SRPK2: variants seen among roughly 807,000 people sequenced by gnomAD.
SRPK2 encodes the protein SFRS protein kinase 2.
In SRPK2, 21 loss-of-function variants were observed where a neutral mutation model predicts 90.8. The ratio of observed to expected loss-of-function variants is 0.23; its 90% confidence interval spans 0.16 to 0.33. The LOEUF is 0.33. Ranked by LOEUF, SRPK2 falls within the 10% of genes least tolerant of loss-of-function variation. The probability of loss-of-function intolerance (pLI) is 1.00; values close to 1 mark genes in which losing one functional copy is unlikely to be tolerated. For synonymous variants in SRPK2, 288 were observed against 311.1 expected (o/e 0.93, Z 0.78); for missense variants, 620 against 869.0 (o/e 0.71, Z 3.60).
chr7:105,322,625 G>A (rs1813065564), intron 2 of SRPK2, among the ~76,000 whole-genome samples: 1 of 152,062 alleles, frequency 6.6e-6, no homozygotes, highest in Admixed American at 6.6e-5. Flanking sequence ...TCTTACTGGG[G>A]TGACAAAACA....
intron 2 of SRPK2, among the ~76,000 whole-genome samples, chr7:105,294,421 A>T (rs1350023827): frequency 6.6e-6 from 1 of 152,198 alleles, no homozygotes; most frequent in Admixed American, 6.5e-5. Flanking sequence ...ATTCACAGTA[A>T]CTGTTTGTTC....
chr7:105,356,494 G>GT (rs1817797148), intron 2 of SRPK2, among the ~76,000 whole-genome samples: 2 of 152,110 alleles, frequency 1.3e-5, no homozygotes, highest in Non-Finnish European at 2.9e-5. Flanking sequence ...GCATATTAAA[G>GT]TATGTAGCAG....
At chr7:105,348,559 C>T (rs1314152478) in intron 2 of SRPK2, among the ~76,000 whole-genome samples, 2 of 151,356 alleles carry the variant, frequency 1.3e-5, no homozygotes, top group African/African-American at 4.9e-5. Context: ...GAGTAGCTGG[C>T]ATTACAGGCA....
At chr7:105,227,893 C>CAAA (rs566478716) in intron 2 of SRPK2, among the ~76,000 whole-genome samples, 109 of 84,584 alleles carry the variant, frequency 1.3e-3, no homozygotes, top group East Asian at 3.9e-3. Flanking sequence ...TATCATTCAG[C>CAAA]AAAAAAAAAA....
intron 2 of SRPK2, among the ~76,000 whole-genome samples, chr7:105,267,234 C>G (rs1805207688): frequency 6.6e-6 from 1 of 152,182 alleles, no homozygotes; most frequent in African/African-American, 2.4e-5. Flanking sequence ...AAAACCTCAT[C>G]CACTCCTAAT....
chr7:105,119,668 C>A (rs1220659971), intron 15 of SRPK2, among the ~76,000 whole-genome samples: 1 of 152,170 alleles, frequency 6.6e-6, no homozygotes, highest in African/African-American at 2.4e-5. Context: ...AAAGGATCTC[C>A]TGTTGAAGGA....
chr7:105,288,060 C>T lies in SRPK2; in HGVS notation c.72-84275G>A, dbSNP rs138271319. Among the ~76,000 whole-genome samples the T allele has an allele frequency of 6.8e-3, 1,030 of 152,188 alleles. 7 individuals carry two copies. Among genetic ancestry groups the T allele is most frequent in the Non-Finnish European group, 9.9e-3 (671 of 68,020 alleles). On this transcript the variant is annotated intron_variant, in intron 2 of 15. Transcript: ENST00000393651. ...CACTTTAATCAAGGTCAAAGCAATG[C>T]TCTGTTGGGATTCTGAGAGTGTTAT...
At chr7:105,265,777 C>T (rs1239674606) in intron 2 of SRPK2, among the ~76,000 whole-genome samples, 1 of 152,044 alleles carries the variant, frequency 6.6e-6, no homozygotes, top group African/African-American at 2.4e-5. Context: ...AGGATTTACC[C>T]CTAAAATCTC....
chr7:105,389,278 C>A, upstream of SRPK2: 1 of 1,275,696 alleles, frequency 7.8e-7, no homozygotes. Flanking sequence ...CTCCATGCGC[C>A]CGTCCTTGGC....
chr7:105,361,207 G>A (rs1211450083), intron 2 of SRPK2, among the ~76,000 whole-genome samples: 1 of 152,070 alleles, frequency 6.6e-6, no homozygotes, highest in Non-Finnish European at 1.5e-5. Context: ...CAAATCATGA[G>A]TGAACTCCCA....
intron 3 of SRPK2, among the ~76,000 whole-genome samples, chr7:105,177,611 G>A (rs1391997820): frequency 2.0e-5 from 3 of 152,148 alleles, no homozygotes; most frequent in Non-Finnish European, 4.4e-5. Context: ...TACTCTGAAG[G>A]AGGATGCTCA....
chr7:105,166,371 G>A (rs1028957872), intron 6 of SRPK2, among the ~76,000 whole-genome samples: 3 of 152,148 alleles, frequency 2.0e-5, no homozygotes, highest in Non-Finnish European at 4.4e-5. Flanking sequence ...AACGATATCT[G>A]ACGAGATATC....
chr7:105,159,555 A>G (rs1033026675), intron 7 of SRPK2, among the ~76,000 whole-genome samples: 2 of 152,008 alleles, frequency 1.3e-5, no homozygotes, highest in African/African-American at 4.8e-5. Context: ...AATATCAAAG[A>G]TGCTTTTACT....
intron 7 of SRPK2, among the ~76,000 whole-genome samples, chr7:105,148,389 T>C (rs1488901383): frequency 1.3e-5 from 2 of 152,210 alleles, no homozygotes; most frequent in African/African-American, 2.4e-5. Flanking sequence ...ATTAAAACAA[T>C]CAAAAACTTA....
At chr7:105,161,894 A>G (rs1291653309) in intron 6 of SRPK2, among the ~76,000 whole-genome samples, 1 of 152,188 alleles carries the variant, frequency 6.6e-6, no homozygotes, top group African/African-American at 2.4e-5. Flanking sequence ...AATCTATAGT[A>G]ACAACATCTC....
intron 3 of SRPK2, among the ~76,000 whole-genome samples, chr7:105,191,199 T>C (rs1200923741): frequency 1.3e-5 from 2 of 152,188 alleles, no homozygotes; most frequent in African/African-American, 2.4e-5. Context: ...AGCTTTTTCA[T>C]AGCCAAACGA....
intron 7 of SRPK2, among the ~76,000 whole-genome samples, chr7:105,148,814 C>T (rs1443895054): frequency 2.0e-5 from 3 of 152,206 alleles, no homozygotes; most frequent in Non-Finnish European, 4.4e-5. Flanking sequence ...CTGGAGCTCA[C>T]AAAAACATGT....
intron 1 of SRPK2, among the ~76,000 whole-genome samples, chr7:105,398,556 G>T (rs190576694): frequency 5.4e-4 from 82 of 152,114 alleles, no homozygotes; most frequent in Admixed American, 1.1e-3. Flanking sequence ...GCTAATTTTT[G>T]TATTTTTAGT....
intron 2 of SRPK2, among the ~76,000 whole-genome samples, chr7:105,211,955 C>T (rs1796916035): frequency 6.6e-6 from 1 of 152,214 alleles, no homozygotes; most frequent in Non-Finnish European, 1.5e-5. Flanking sequence ...GCTGCCTGAT[C>T]ACCTCACTGA....
Sources: allele counts gnomAD v4.1 joint callset (sites outside exome capture counted in the v4.1 genomes callset), GRCh38; gene constraint gnomAD v4.1.1; transcripts MANE v1.5; gene names NCBI Gene and HGNC (gene_info 2026-07-23, HGNC 2026-07-21).